Variants in PCCA observed in about 807,000 individuals in gnomAD.
The protein encoded by PCCA is propionyl-CoA carboxylase alpha chain, mitochondrial.
Under a neutral mutation model 101.3 loss-of-function variants are expected in PCCA, and 74 were observed. The ratio of observed to expected loss-of-function variants is 0.73; its 90% CI spans 0.61 to 0.89. The LOEUF (loss-of-function observed/expected upper bound fraction) is 0.89, where lower values mean the gene tolerates loss of function less well. Ranked by LOEUF, PCCA falls within the 40% of genes least tolerant of loss-of-function variation. The pLI, the probability that PCCA is intolerant of heterozygous loss-of-function variation, is 0.00. For synonymous variants in PCCA, 294 were observed against 313.6 expected, an observed-to-expected ratio of 0.94 and a Z score of 0.66; for missense variants, 891 against 907.0, an observed-to-expected ratio of 0.98 and a Z score of 0.23.
intron 18 of PCCA, among the ~76,000 whole-genome samples, chr13:100,368,132 C>T (rs892204202): frequency 6.6e-6 from 1 of 152,062 alleles, no homozygotes; most frequent in Non-Finnish European, 1.5e-5. Context: ...CTCTAGGCCA[C>T]ATCATGCTAA....
intron 6 of PCCA, among the ~76,000 whole-genome samples, chr13:100,163,943 A>G (rs1337245718): frequency 6.6e-6 from 1 of 152,156 alleles, no homozygotes; most frequent in Non-Finnish European, 1.5e-5. Flanking sequence ...TATTCTAGTT[A>G]GAGCTAATAT....
At chr13:100,352,468 C>T (rs1161087703) in intron 18 of PCCA, among the ~76,000 whole-genome samples, 2 of 147,644 alleles carry the variant, frequency 1.4e-5, no homozygotes, top group African/African-American at 2.5e-5. Context: ...CATCACAGGT[C>T]ACTGCAAGTT....
At position 100,207,526 on chromosome 13, in the gene PCCA, G is replaced by A. The variant is rs184350581; in HGVS notation, c.469-1806G>A. ...CTCCCAAGTAGCTGGGATTACAGGCGCATGCCACCACGCCCAGCTAATTTT... is the reference window on the plus strand; with the variant it reads ...CTCCCAAGTAGCTGGGATTACAGGCACATGCCACCACGCCCAGCTAATTTT... On this transcript the variant is annotated intron_variant, in intron 6 of 23. Coordinates refer to ENST00000376285, the MANE Select transcript of PCCA (RefSeq NM_000282.4). 1.1e-4 allele frequency among the ~76,000 whole-genome samples: 16 copies of A among 151,986 alleles called. No homozygotes were observed. In the East Asian group the frequency reaches 2.8e-3, roughly 26 times the overall value.
At chr13:100,127,285 A>G (rs1467810360) in intron 4 of PCCA, among the ~76,000 whole-genome samples, 1 of 152,182 alleles carries the variant, frequency 6.6e-6, no homozygotes, top group Non-Finnish European at 1.5e-5. Context: ...ATTTTCTTTT[A>G]TAAAACGTTA....
At chr13:100,108,825 G>A (rs1321472256) in intron 2 of PCCA, among the ~76,000 whole-genome samples, 1 of 152,190 alleles carries the variant, frequency 6.6e-6, no homozygotes, top group Non-Finnish European at 1.5e-5. Context: ...AGTAACAGTG[G>A]TTGCCTTTTG....
At chr13:100,099,595 G>T (rs1260856334) in intron 1 of PCCA, among the ~76,000 whole-genome samples, 3 of 152,044 alleles carry the variant, frequency 2.0e-5, no homozygotes, top group Non-Finnish European at 2.9e-5. Flanking sequence ...GGGATTACAG[G>T]CGTGAGCCAC....
intron 12 of PCCA, among the ~76,000 whole-genome samples, chr13:100,285,946 A>G (rs977472020): frequency 6.6e-6 from 1 of 152,178 alleles, no homozygotes; most frequent in Non-Finnish European, 1.5e-5. Flanking sequence ...TAGTGGAACT[A>G]GTGCATCACC....
At chr13:100,350,492 C>A (rs1595518032) in intron 18 of PCCA, among the ~76,000 whole-genome samples, 1 of 152,102 alleles carries the variant, frequency 6.6e-6, no homozygotes, top group Admixed American at 6.5e-5. Context: ...CTTAAGCTTG[C>A]CTTACTTTTT....
intron 21 of PCCA, among the ~76,000 whole-genome samples, chr13:100,467,394 T>TG (rs1295709455): frequency 6.6e-6 from 1 of 152,042 alleles, no homozygotes; most frequent in Non-Finnish European, 1.5e-5. Flanking sequence ...TTTTTTGAGA[T>TG]GGAGTCTTGC....
intron 7 of PCCA, among the ~76,000 whole-genome samples, chr13:100,211,642 T>C (rs906074540): frequency 6.6e-6 from 1 of 152,154 alleles, no homozygotes; most frequent in Non-Finnish European, 1.5e-5. Flanking sequence ...TTATTCTGGG[T>C]CCTGAGTAGG....
chr13:100,270,959 C>T (rs1301289254), intron 11 of PCCA, among the ~76,000 whole-genome samples: 1 of 152,062 alleles, frequency 6.6e-6, no homozygotes, highest in Non-Finnish European at 1.5e-5. Context: ...AGTGAGCCGA[C>T]ATCATGCCAC....
chr13:100,184,361 G>A (rs950248758), intron 6 of PCCA, among the ~76,000 whole-genome samples: 5 of 152,148 alleles, frequency 3.3e-5, no homozygotes, highest in African/African-American at 1.2e-4. Context: ...AATAAGAGAT[G>A]GGTTATTTAG....
At chr13:100,260,255 G>A (rs927521955) in intron 9 of PCCA, among the ~76,000 whole-genome samples, 1 of 152,112 alleles carries the variant, frequency 6.6e-6, no homozygotes, top group Non-Finnish European at 1.5e-5. Flanking sequence ...ACAATGTGAT[G>A]GAGGACTGAG....
At chr13:100,211,928 C>T (rs1018178998) in intron 7 of PCCA, among the ~76,000 whole-genome samples, 5 of 151,922 alleles carry the variant, frequency 3.3e-5, no homozygotes, top group Admixed American at 1.3e-4. Flanking sequence ...TTTGTAGAGA[C>T]GGGGGTCTCA....
chr13:100,398,127 G>A (rs1282507406), intron 19 of PCCA, among the ~76,000 whole-genome samples: 1 of 152,194 alleles, frequency 6.6e-6, no homozygotes, highest in Non-Finnish European at 1.5e-5. Context: ...GGTAGTAATT[G>A]GTGAGCTTGC....
chr13:100,096,161 TA>T (rs1475448474), intron 1 of PCCA, among the ~76,000 whole-genome samples: 1 of 152,186 alleles, frequency 6.6e-6, no homozygotes, highest in Non-Finnish European at 1.5e-5. Context: ...TTGTTGTTTT[TA>T]CAGATTGAGG....
chr13:100,451,461 A>G (rs1170243656), intron 21 of PCCA, among the ~76,000 whole-genome samples: 1 of 152,154 alleles, frequency 6.6e-6, no homozygotes, highest in Non-Finnish European at 1.5e-5. Context: ...TAAGGGCCAC[A>G]CAGAGCTGCA....
At chr13:100,439,110 T>G (rs745991312) in intron 20 of PCCA, among the ~76,000 whole-genome samples, 10 of 152,202 alleles carry the variant, frequency 6.6e-5, no homozygotes, top group Non-Finnish European at 1.5e-4. Context: ...GTGTAGCTAG[T>G]GGTTACTGGG....
chr13:100,425,778 T>G (rs1363082530), intron 20 of PCCA, 47 bp downstream of exon 20: 1 of 1,213,452 alleles, frequency 8.2e-7, no homozygotes, highest in African/African-American at 1.5e-5. Context: ...AAGTCCAGAA[T>G]CCTTGTCAGC....
Sources: allele counts gnomAD v4.1 joint callset (sites outside exome capture counted in the v4.1 genomes callset), GRCh38; gene constraint gnomAD v4.1.1; transcripts MANE v1.5; gene names NCBI Gene and HGNC (gene_info 2026-07-23, HGNC 2026-07-21).